Variants in DACT2 observed in about 807,000 individuals in gnomAD.
The protein encoded by DACT2 is dapper homolog 2.
A neutral mutation model predicts 22.2 loss-of-function variants in DACT2; 20 were observed. The ratio of observed to expected loss-of-function variants is 0.90; its 90% CI spans 0.63 to 1.31. The LOEUF (loss-of-function observed/expected upper bound fraction) is 1.31, where lower values mean the gene tolerates loss of function less well. Ranked by LOEUF, DACT2 falls within the 50% of genes most tolerant of loss-of-function variation. The probability of loss-of-function intolerance (pLI) is 0.00; values close to 1 mark genes in which losing one functional copy is unlikely to be tolerated. For missense variants in DACT2, 1,048 were observed against 1,061.4 expected, an observed-to-expected ratio of 0.99 and a Z score of 0.18; for synonymous variants, 463 against 479.8, an observed-to-expected ratio of 0.96 and a Z score of 0.46.
At position 168,294,645 on chromosome 6, in the gene DACT2, T is replaced by TC; in HGVS notation, c.717_718insG (p.Ser240GlufsTer114). 1 of 1,472,312 alleles carries TC rather than the reference T, an allele frequency of 6.8e-7. No homozygotes were observed. The highest frequency in any genetic ancestry group is 8.9e-7 in the Non-Finnish European group (1 of 1,117,638). 91.2% of individuals were successfully genotyped at this position (1,472,312 alleles called of 1,614,324 possible). A position where few individuals can be genotyped will look rare whatever the true frequency, so the allele number is the denominator to read the frequency against. Reference sequence around the variant, plus strand: ...CATCCTTCCCTACCTGTCAGTGAACTGGAGGTGCAGCCTGCAGGCGGAGCA... The same window carrying TC: ...CATCCTTCCCTACCTGTCAGTGAACTCGGAGGTGCAGCCTGCAGGCGGAGCA... On this transcript the variant is annotated frameshift_variant, in exon 4 of 6. Transcript: ENST00000366796. LOFTEE classifies it high-confidence loss of function.
rs1479820391 is a variant in DACT2, at chr6:168,307,778, T to A, written c.1979A>T (p.Asp660Val). 9 of 1,545,180 alleles carry A rather than the reference T, an allele frequency of 5.8e-6. No individual in the cohort carries two copies. The South Asian group carries it at 9.5e-5, about 16-fold the overall frequency. Reference sequence around the variant, plus strand: ...GGCCGAGTGCTTGGAGGGCTCTGAGTCGCTCCTGGTGTAGGCGTCCTGGCG... The same window carrying A: ...GGCCGAGTGCTTGGAGGGCTCTGAGACGCTCCTGGTGTAGGCGTCCTGGCG... ...LVRQDAYTRS[D>V]SEPSKHSAEC... Residue 660 changes from aspartate to valine, a missense_variant, in exon 4 of 4, where the codon GAC becomes GTC. Asp to Val is a radical substitution (Grantham distance 152). Coordinates refer to ENST00000366795, the MANE Select transcript of DACT2 (RefSeq NM_214462.5). This position sits in a 1 kb window ranked among gnomAD's most constrained non-coding sequence, Gnocchi z 5.3.
chr6:168,311,551 T>TACACACACACACCCATACAC (rs778387834), intron 1 of DACT2, among the ~76,000 whole-genome samples: 20,111 of 97,612 alleles, frequency 0.21, 1,699 homozygotes, highest in African/African-American at 0.33. Flanking sequence ...CACACACACA[T>TACACACACACACCCATACAC]ACACACACTC....
Position 168,308,177 on chromosome 6 carries a change from G to A in DACT2, c.1580C>T (p.Ala527Val), listed in dbSNP as rs941689211. 6.4e-6 allele frequency: 10 copies of A among 1,551,108 alleles called. No homozygotes were observed. In the African/African-American group the frequency reaches 1.4e-4, roughly 21 times the overall value. The change falls in exon 4 of 4, where the codon GCC (alanine) becomes GTC (valine). Residue 527 changes from alanine (A) to valine (V), a missense_variant. By Grantham distance (64) the Ala-to-Val change is moderately conservative. Transcript: ENST00000366795. ...LLDRPEGAHAAPQPSLEWDPA... is the reference protein window; with the variant it reads ...LLDRPEGAHAVPQPSLEWDPA... Reference sequence around the variant, plus strand: ...GTCCCACTCCAGGGATGGCTGGGGGGCTGCATGGGCTCCCTCAGGCCTGTC... The same window carrying A: ...GTCCCACTCCAGGGATGGCTGGGGGACTGCATGGGCTCCCTCAGGCCTGTC...
intron 1 of DACT2, among the ~76,000 whole-genome samples, chr6:168,313,078 GCT>G (rs1487399551): frequency 2.0e-5 from 3 of 152,098 alleles, no homozygotes; most frequent in Non-Finnish European, 2.9e-5. Flanking sequence ...ACGGAGTCTC[GCT>G]CTGTCCTCCA....
chr6:168,318,847 TC>T (rs1779576321), intron 1 of DACT2, among the ~76,000 whole-genome samples: 2 of 152,072 alleles, frequency 1.3e-5, no homozygotes, highest in African/African-American at 2.4e-5. Flanking sequence ...TTACATGCTT[TC>T]CCCCAATACT....
intron 1 of DACT2, among the ~76,000 whole-genome samples, chr6:168,311,569 A>ACTCTCAC (rs1562498471): frequency 1.6e-5 from 1 of 62,836 alleles, no homozygotes; most frequent in African/African-American, 5.6e-5. Context: ...CTCACACACA[A>ACTCTCAC]ACACACACAC....
chr6:168,295,650 G>A (rs922015352), intron 3 of DACT2, among the ~76,000 whole-genome samples: 10 of 152,132 alleles, frequency 6.6e-5, no homozygotes, highest in East Asian at 5.8e-4. Context: ...TATGAAGATC[G>A]TCATAATCTC....
downstream of DACT2, among the ~76,000 whole-genome samples, chr6:168,305,207 G>T (rs1779180332): frequency 6.6e-6 from 1 of 152,206 alleles, no homozygotes; most frequent in Non-Finnish European, 1.5e-5. Context: ...CGATGCAACG[G>T]CTGCATTTTG....
intron 3 of DACT2, chr6:168,299,635 A>C (rs1779070044): frequency 6.6e-6 from 1 of 152,228 alleles, no homozygotes; most frequent in African/African-American, 2.4e-5. Flanking sequence ...AGGCAGGTTT[A>C]GAGCCAGCAG....
In DACT2 at chr6:168,300,846, C is replaced by T. The variant is rs143987163; in HGVS notation, c.659-6142G>A. 1.9e-3 allele frequency among the ~76,000 whole-genome samples: 294 copies of T among 152,032 alleles called. 4 individuals carry two copies. Among genetic ancestry groups the T allele is most frequent in the African/African-American group, 6.7e-3 (279 of 41,472 alleles). On this transcript the variant is annotated intron_variant, in intron 3 of 5. Coordinates refer to the DACT2 transcript ENST00000366796. Reference sequence around the variant, plus strand: ...CTAAAGATATAAAAAATTAGCCAGGCGTGGTGGCAGGTGCCTGTAGTCCCA... The same window carrying T: ...CTAAAGATATAAAAAATTAGCCAGGTGTGGTGGCAGGTGCCTGTAGTCCCA...
rs1018629227 is a variant in DACT2 at position 168,309,139 on chromosome 6, C to T, written c.659-41G>A. The T allele has an allele frequency of 8.9e-6, 13 of 1,467,164 alleles. 1 individual carries two copies. Among genetic ancestry groups the T allele is most frequent in the East Asian group, 7.5e-5 (3 of 40,144 alleles). The allele number at this position is 1,467,164 out of a possible 1,614,324, so 90.9% of individuals were successfully genotyped here. On this transcript the variant is annotated intron_variant, in intron 3 of 3. Transcript: ENST00000366795. ...ATGAACAAACACGTAACTACGGAGACGATTTAGTGCACTGTTGATTTCATT... is the reference window on the plus strand; with the variant it reads ...ATGAACAAACACGTAACTACGGAGATGATTTAGTGCACTGTTGATTTCATT...
In DACT2 at chr6:168,293,837, G is replaced by A. The variant is rs61423257; in HGVS notation, c.*57C>T. 1,778 of 702,436 alleles carry A rather than the reference G, an allele frequency of 2.5e-3. 16 individuals are homozygous for A. In the African/African-American group the frequency reaches 0.026, roughly 10 times the overall value. The allele number at this position is 702,436 out of a possible 1,614,324, so 43.5% of individuals were successfully genotyped here. A position where few individuals can be genotyped will look rare whatever the true frequency, so the allele number is the denominator to read the frequency against. The stretch of plus-strand genomic sequence containing the variant: ...GAAGCTGGGCCTGTGGCCAGGACCC[G>A]ACTTCCAGCCTGTGACTGGTCAGTC... On this transcript the variant is annotated 3_prime_UTR_variant, in exon 6 of 6. Coordinates refer to the DACT2 transcript ENST00000366796.
rs1278384181 is a variant in DACT2, at chr6:168,310,437, T to A, written c.389A>T (p.Glu130Val). The change falls in exon 3 of 4, where the codon GAG becomes GTG. Residue 130 changes from glutamate (E) to valine (V), a missense_variant. Coordinates refer to ENST00000366795, the MANE Select transcript of DACT2 (RefSeq NM_214462.5). ...SDSRPSSGFY[E>V]MSDGGSCSLS... ...GGAGCAGGATCCACCGTCGCTCATC[T>A]CGTAAAAGCCTGGACGGAGCAGACA... 1 of 1,549,918 alleles carries A rather than the reference T, an allele frequency of 6.5e-7. No individual in the cohort carries two copies.
Position 168,319,742 on chromosome 6 carries a change from C to T in DACT2, c.-109G>A. On this transcript the variant is annotated 5_prime_UTR_variant, in exon 1 of 4. Coordinates refer to ENST00000366795, the MANE Select transcript of DACT2 (RefSeq NM_214462.5). Reference sequence around the variant, plus strand: ...TCCTCCTGCGCCTCCTCTCTCCGCCCCCGGCTCCGCAGGTCGCCAAGGTGG... The same window carrying T: ...TCCTCCTGCGCCTCCTCTCTCCGCCTCCGGCTCCGCAGGTCGCCAAGGTGG... 1 of 1,179,206 alleles carries T rather than the reference C, an allele frequency of 8.5e-7. No homozygotes were observed. 73.0% of individuals were successfully genotyped at this position (1,179,206 alleles called of 1,614,324 possible).
intron 1 of DACT2, among the ~76,000 whole-genome samples, chr6:168,314,380 TG>T (rs908531282): frequency 6.6e-6 from 1 of 152,164 alleles, no homozygotes; most frequent in African/African-American, 2.4e-5. Context: ...CTCCAGGCAG[TG>T]GGATCAGCTG....
intron 3 of DACT2, among the ~76,000 whole-genome samples, chr6:168,296,763 T>C (rs1466458): frequency 0.22 from 33,296 of 152,182 alleles, 4,722 homozygotes; most frequent in East Asian, 0.66. Flanking sequence ...AAATACAACT[T>C]TTTAAAACCC....
At chr6:168,309,169 G>A (rs1394497458) in intron 3 of DACT2, 71 bp from the exon 4 acceptor site, 2 of 1,443,270 alleles carry the variant, frequency 1.4e-6, no homozygotes, top group Non-Finnish European at 1.8e-6. Flanking sequence ...TTCATTTCAT[G>A]CGTGGCAGCT....
At position 168,307,322 on chromosome 6, in the gene DACT2, G is replaced by C. The variant is rs975444541; in HGVS notation, c.*110C>G. ...GGGACTCCTGTTAAACGGTGGCCTC[G>C]GAAGATAAAGCGACTTGGCAAGACG... is the stretch of plus-strand genomic sequence containing the variant. On this transcript the variant is annotated 3_prime_UTR_variant, in exon 4 of 4. Coordinates refer to ENST00000366795, the MANE Select transcript of DACT2 (RefSeq NM_214462.5). The surrounding 1 kb of genome is among the most constrained non-coding windows in gnomAD (Gnocchi z 5.3). 6.7e-7 allele frequency: 1 copy of C among 1,487,454 alleles called. No homozygotes were observed. Among genetic ancestry groups the C allele is most frequent in the African/African-American group, 1.4e-5 (1 of 70,912 alleles). 92.1% of individuals were successfully genotyped at this position (1,487,454 alleles called of 1,614,324 possible).
chr6:168,318,334 A>T (rs1261405333), intron 1 of DACT2, among the ~76,000 whole-genome samples: 1 of 152,264 alleles, frequency 6.6e-6, no homozygotes, highest in East Asian at 1.9e-4. Context: ...GTCAGGAGAT[A>T]ACGGGGAACC....
Sources: allele counts gnomAD v4.1 joint callset (sites outside exome capture counted in the v4.1 genomes callset), GRCh38; gene constraint gnomAD v4.1.1; non-coding constraint Gnocchi (gnomAD v3.1); transcripts MANE v1.5; gene names NCBI Gene and HGNC (gene_info 2026-07-23, HGNC 2026-07-21).